Variants in ALK observed in about 807,000 individuals in gnomAD.
The protein encoded by ALK is ALK tyrosine kinase receptor.
A neutral mutation model predicts 163.1 loss-of-function variants in ALK; 74 were observed. That is an observed-to-expected ratio of 0.45 (90% CI 0.38 to 0.55). The LOEUF (loss-of-function observed/expected upper bound fraction) is 0.55. Ranked by LOEUF, ALK falls within the 20% of genes least tolerant of loss-of-function variation. The probability of loss-of-function intolerance (pLI) is 0.00; values close to 1 mark genes in which losing one functional copy is unlikely to be tolerated. For synonymous variants in ALK, 960 were observed against 843.2 expected (o/e 1.14, Z -2.40); for missense variants, 2,063 against 2,105.3 (o/e 0.98, Z 0.39).
intron 3 of ALK, among the ~76,000 whole-genome samples, chr2:29,570,781 G>T (rs1003796827): frequency 2.6e-5 from 4 of 152,190 alleles, no homozygotes; most frequent in Non-Finnish European, 5.9e-5. Context: ...GCTTCCTTGT[G>T]CAGAGTGCAG....
At position 29,222,580 on chromosome 2, in the gene ALK, C is replaced by T. The variant is rs759177019; in HGVS notation, c.3387G>A (p.Glu1129=). ...TTCCGGACACCTGGCCTTCATACAC[C>T]TCCCCAAAGGCGCCATGGCCCAGAC... ...IRGLGHGAFG[E]VYEGQVSGMP... The change falls in exon 21 of 29, where the codon GAG becomes GAA. Residue 1129 remains glutamate (E), a synonymous_variant. Transcript: ENST00000389048. 6 of 1,614,072 alleles carry T rather than the reference C, an allele frequency of 3.7e-6. No homozygotes were observed. In the South Asian group the frequency reaches 5.5e-5, roughly 15 times the overall value.
rs189735183 is a variant in ALK at position 29,396,581 on chromosome 2, G to A, written c.1155-12722C>T. 4.9e-3 allele frequency among the ~76,000 whole-genome samples: 739 copies of A among 152,246 alleles called. 7 individuals are homozygous for A. Among genetic ancestry groups the A allele is most frequent in the Non-Finnish European group, 8.3e-3 (564 of 68,026 alleles). ...CCCAGCTACTCTGGAGGCTGAGGCAGGAGAATCGCTTGAACCCAGGAGGCT... is the reference window on the plus strand; with the variant it reads ...CCCAGCTACTCTGGAGGCTGAGGCAAGAGAATCGCTTGAACCCAGGAGGCT... On this transcript the variant is annotated intron_variant, in intron 4 of 28. Transcript: ENST00000389048.
At chr2:29,442,202 G>A (rs1423182790) in intron 4 of ALK, among the ~76,000 whole-genome samples, 1 of 152,038 alleles carries the variant, frequency 6.6e-6, no homozygotes, top group East Asian at 1.9e-4. Flanking sequence ...GCATCTGTTG[G>A]GAGAATGCAC....
intron 1 of ALK, among the ~76,000 whole-genome samples, chr2:29,797,322 G>T (rs924398921): frequency 6.6e-6 from 1 of 152,032 alleles, no homozygotes; most frequent in African/African-American, 2.4e-5. Context: ...CACCAAAAAT[G>T]CTCACCTCCT....
At chr2:29,238,969 T>G (rs1036942455) in intron 13 of ALK, among the ~76,000 whole-genome samples, 2 of 152,226 alleles carry the variant, frequency 1.3e-5, no homozygotes, top group African/African-American at 4.8e-5. Flanking sequence ...ATGAAGGAAT[T>G]ACATTAGCAC....
intron 7 of ALK, 88 bp downstream of exon 7, chr2:29,320,663 G>T: frequency 6.3e-7 from 1 of 1,587,288 alleles, no homozygotes; most frequent in Non-Finnish European, 8.6e-7. Flanking sequence ...TTGCCCTGCA[G>T]GTGGGGTGAA....
At chr2:29,862,056 C>G (rs1326945488) in intron 1 of ALK, among the ~76,000 whole-genome samples, 1 of 151,848 alleles carries the variant, frequency 6.6e-6, no homozygotes, top group Non-Finnish European at 1.5e-5. Context: ...ATGCAAAATC[C>G]ACAACTGACA....
chr2:29,481,234 C>G (rs138761863), intron 4 of ALK, among the ~76,000 whole-genome samples: 1 of 152,334 alleles, frequency 6.6e-6, no homozygotes, highest in African/African-American at 2.4e-5. Context: ...AACTATTTTA[C>G]CATTTCATCA....
intron 1 of ALK, among the ~76,000 whole-genome samples, chr2:29,846,315 C>T (rs182888201): frequency 2.6e-5 from 4 of 152,218 alleles, no homozygotes; most frequent in African/African-American, 4.8e-5. Context: ...TGGAACTCAA[C>T]AGCACCCCTC....
intron 1 of ALK, among the ~76,000 whole-genome samples, chr2:29,779,792 T>A (rs1681283201): frequency 6.6e-6 from 1 of 152,226 alleles, no homozygotes; most frequent in African/African-American, 2.4e-5. Context: ...AAGAATCAGA[T>A]AAACAGAGTG....
intron 3 of ALK, among the ~76,000 whole-genome samples, chr2:29,662,366 T>C (rs978781302): frequency 6.6e-6 from 1 of 152,170 alleles, no homozygotes; most frequent in East Asian, 1.9e-4. Flanking sequence ...CAGGTGCTCA[T>C]GGCCACCTCT....
intron 3 of ALK, among the ~76,000 whole-genome samples, chr2:29,618,112 C>T (rs1451500480): frequency 6.6e-6 from 1 of 152,182 alleles, no homozygotes; most frequent in Non-Finnish European, 1.5e-5. Flanking sequence ...AGAAGCTGCT[C>T]TTAGGTGCTG....
chr2:29,454,915 C>T (rs1441242079), intron 4 of ALK, among the ~76,000 whole-genome samples: 1 of 152,006 alleles, frequency 6.6e-6, no homozygotes, highest in Non-Finnish European at 1.5e-5. Flanking sequence ...AATAAAAGTC[C>T]TATGCGGTTA....
chr2:29,628,649 T>C (rs888033113), intron 3 of ALK, among the ~76,000 whole-genome samples: 1 of 152,210 alleles, frequency 6.6e-6, no homozygotes, highest in African/African-American at 2.4e-5. Flanking sequence ...TTAAAATGCT[T>C]GAGTCAGAAA....
intron 5 of ALK, among the ~76,000 whole-genome samples, chr2:29,331,017 A>C (rs1171393849): frequency 1.3e-5 from 2 of 152,004 alleles, no homozygotes; most frequent in Non-Finnish European, 2.9e-5. Context: ...GAGAATGAAC[A>C]CTCCATCGAA....
At chr2:29,804,086 T>G (rs911585993) in intron 1 of ALK, among the ~76,000 whole-genome samples, 2 of 152,234 alleles carry the variant, frequency 1.3e-5, no homozygotes, top group African/African-American at 4.8e-5. Context: ...AAACTAAATC[T>G]CTTTTTCTTT....
At chr2:29,205,148 A>G (rs1261373197) in intron 26 of ALK, among the ~76,000 whole-genome samples, 1 of 152,284 alleles carries the variant, frequency 6.6e-6, no homozygotes, top group East Asian at 1.9e-4. Context: ...TATGGTTGCA[A>G]TAGTTTTTCT....
intron 4 of ALK, among the ~76,000 whole-genome samples, chr2:29,511,189 T>C (rs1028478169): frequency 3.9e-5 from 6 of 152,122 alleles, no homozygotes; most frequent in Admixed American, 3.9e-4. Flanking sequence ...TTAATAGTTG[T>C]TACACTGAGA....
intron 3 of ALK, among the ~76,000 whole-genome samples, chr2:29,567,592 T>C (rs1328861598): frequency 1.3e-5 from 2 of 152,196 alleles, no homozygotes; most frequent in African/African-American, 4.8e-5. Context: ...AACTTATTGC[T>C]TCACCTGAAA....
Sources: allele counts gnomAD v4.1 joint callset (sites outside exome capture counted in the v4.1 genomes callset), GRCh38; gene constraint gnomAD v4.1.1; transcripts MANE v1.5; gene names NCBI Gene and HGNC (gene_info 2026-07-23, HGNC 2026-07-21).